SYT2: variants seen among roughly 807,000 people sequenced by gnomAD.
SYT2 encodes synaptotagmin-2.
Under a neutral mutation model 39.9 loss-of-function variants are expected in SYT2, and 15 were observed. The ratio of observed to expected loss-of-function variants is 0.38; its 90% confidence interval spans 0.25 to 0.58. SYT2 has a LOEUF of 0.58. Among genes scored for constraint, SYT2 ranks in the 20% least tolerant of loss-of-function variants. SYT2 has a pLI of 0.70. For synonymous variants in SYT2, 181 were observed against 204.5 expected (o/e 0.89, Z 0.98); for missense variants, 389 against 530.3 (o/e 0.73, Z 2.62).
intron 1 of SYT2, among the ~76,000 whole-genome samples, chr1:202,671,376 G>A (rs899403249): frequency 6.6e-6 from 1 of 152,230 alleles, no homozygotes; most frequent in African/African-American, 2.4e-5. Context: ...GGGCCAAGGC[G>A]GAGAGACCCA....
intron 1 of SYT2, among the ~76,000 whole-genome samples, chr1:202,624,542 GTGTGTGGTGTGTGTGGTGTT>G (rs1407683793): frequency 3.4e-5 from 4 of 117,278 alleles, no homozygotes; most frequent in Non-Finnish European, 6.9e-5. Context: ...GAGTGTGGAT[GTGTGTGGTGTGTGTGGTGTT>G]TAGTAGTGTG....
intron 1 of SYT2, among the ~76,000 whole-genome samples, chr1:202,709,307 A>G (rs891287448): frequency 6.6e-6 from 1 of 151,914 alleles, no homozygotes; most frequent in Non-Finnish European, 1.5e-5. Flanking sequence ...GCCAGGAGAC[A>G]CCCCACGAGC....
intron 1 of SYT2, among the ~76,000 whole-genome samples, chr1:202,676,426 T>C (rs1653376548): frequency 6.6e-6 from 1 of 152,228 alleles, no homozygotes; most frequent in Non-Finnish European, 1.5e-5. Flanking sequence ...TGGGTATCTG[T>C]CTGTCTGTTT....
chr1:202,698,409 C>A (rs560410129), intron 1 of SYT2, among the ~76,000 whole-genome samples: 1 of 152,168 alleles, frequency 6.6e-6, no homozygotes, highest in African/African-American at 2.4e-5. Flanking sequence ...CGTCTGAAGG[C>A]GGTTCCTCCA....
At chr1:202,624,288 G>GGT (rs1553337479) in intron 1 of SYT2, among the ~76,000 whole-genome samples, 1 of 151,166 alleles carries the variant, frequency 6.6e-6, no homozygotes, top group South Asian at 2.1e-4. Context: ...GTGTATATAT[G>GGT]GTGTGTGTGT....
intron 1 of SYT2, among the ~76,000 whole-genome samples, chr1:202,709,477 A>C (rs1285751223): frequency 6.6e-6 from 1 of 152,240 alleles, no homozygotes; most frequent in African/African-American, 2.4e-5. Context: ...GAAGGAGCAT[A>C]GGCAGGGGAA....
rs143719218 is a variant in SYT2 at position 202,623,826 on chromosome 1, AG to A, written c.-17-18038del. Among the ~76,000 whole-genome samples, 753 of 152,284 alleles carry A rather than the reference AG, an allele frequency of 4.9e-3. 6 individuals carry two copies. The highest frequency in any genetic ancestry group is 0.017 in the African/African-American group (726 of 41,546). ...GCTGGGGGAGCGCTCACCAGGGGAA[AG>A]GGGAGCTCTCTGTGGCTTAGCAGTG... On this transcript the variant is annotated intron_variant, in intron 1 of 8. Coordinates refer to ENST00000367268, the MANE Select transcript of SYT2 (RefSeq NM_177402.5). The surrounding 1 kb of genome is among the most constrained non-coding windows in gnomAD (Gnocchi z 4.2).
At chr1:202,602,599 A>G in intron 4 of SYT2, 54 bp from the exon 5 acceptor site, 1 of 1,545,424 alleles carries the variant, frequency 6.5e-7, no homozygotes, top group South Asian at 1.2e-5. Context: ...CTCCAATACC[A>G]CAACTGGCCC....
intron 1 of SYT2, among the ~76,000 whole-genome samples, chr1:202,689,813 A>G (rs1653771941): frequency 6.6e-6 from 1 of 151,022 alleles, no homozygotes; most frequent in Non-Finnish European, 1.5e-5. Context: ...CAGTGTAGAC[A>G]CCCCCACAAG....
At chr1:202,613,253 G>A (rs549527388) in intron 1 of SYT2, among the ~76,000 whole-genome samples, 1 of 151,670 alleles carries the variant, frequency 6.6e-6, no homozygotes. Context: ...GCTAATTTTT[G>A]TATTTTTAGT....
chr1:202,684,508 A>G (rs1336279994), intron 1 of SYT2, among the ~76,000 whole-genome samples: 1 of 152,164 alleles, frequency 6.6e-6, no homozygotes, highest in East Asian at 1.9e-4. Flanking sequence ...TCCATCGTGT[A>G]TATGCGCCAT....
At chr1:202,650,054 G>A (rs1414189270) in intron 1 of SYT2, among the ~76,000 whole-genome samples, 1 of 152,174 alleles carries the variant, frequency 6.6e-6, no homozygotes, top group African/African-American at 2.4e-5. Flanking sequence ...CTCTAGACTC[G>A]AGCCAGACAT....
At chr1:202,647,572 C>T (rs1387681264) in intron 1 of SYT2, among the ~76,000 whole-genome samples, 3 of 152,334 alleles carry the variant, frequency 2.0e-5, no homozygotes, top group South Asian at 4.1e-4. Flanking sequence ...CCCCTGCCCC[C>T]AGGCCCTAGC....
At chr1:202,703,298 A>G (rs1361937572) in intron 1 of SYT2, among the ~76,000 whole-genome samples, 1 of 142,714 alleles carries the variant, frequency 7.0e-6, no homozygotes, top group African/African-American at 2.6e-5. Flanking sequence ...GCCCATACAC[A>G]TGGCCCTACC....
At chr1:202,654,510 T>G (rs1376222015) in intron 1 of SYT2, among the ~76,000 whole-genome samples, 1 of 152,226 alleles carries the variant, frequency 6.6e-6, no homozygotes, top group African/African-American at 2.4e-5. Context: ...AATCTTTTGT[T>G]AATTGCCTAC....
intron 1 of SYT2, among the ~76,000 whole-genome samples, chr1:202,680,246 C>T (rs1653490611): frequency 6.6e-6 from 1 of 152,176 alleles, no homozygotes; most frequent in Non-Finnish European, 1.5e-5. Flanking sequence ...TAATATAGGC[C>T]ATTATGTAAT....
intron 1 of SYT2, among the ~76,000 whole-genome samples, chr1:202,691,058 G>C (rs143803239): frequency 2.0e-5 from 3 of 152,108 alleles, no homozygotes; most frequent in Non-Finnish European, 4.4e-5. Flanking sequence ...CCTCCACTTC[G>C]TCCAGACCCC....
chr1:202,688,917 G>GA (rs1207262169), intron 1 of SYT2, among the ~76,000 whole-genome samples: 1 of 152,188 alleles, frequency 6.6e-6, no homozygotes, highest in Non-Finnish European at 1.5e-5. Flanking sequence ...TGTGGTGGGG[G>GA]AAAGATCCAA....
chr1:202,709,462 TGGGGGAAGGAGCATAGGC>T (rs1205719199), intron 1 of SYT2, among the ~76,000 whole-genome samples: 1 of 151,700 alleles, frequency 6.6e-6, no homozygotes, highest in Non-Finnish European at 1.5e-5. Flanking sequence ...GCCCCAGAGG[TGGGGGAAGGAGCATAGGC>T]AGGGGAAGGG....
Sources: allele counts gnomAD v4.1 joint callset (sites outside exome capture counted in the v4.1 genomes callset), GRCh38; gene constraint gnomAD v4.1.1; non-coding constraint Gnocchi (gnomAD v3.1); transcripts MANE v1.5; gene names NCBI Gene and HGNC (gene_info 2026-07-23, HGNC 2026-07-21).